The following CFAP77 variants were observed in gnomAD, a reference collection of about 807,000 sequenced individuals.
CFAP77 encodes cilia and flagella associated protein 77, also known as cilia- and flagella-associated protein 77.
CFAP77 carries 25 observed loss-of-function variants against 31.1 expected under a neutral mutation model. The ratio of observed to expected loss-of-function variants is 0.80; its 90% CI spans 0.59 to 1.12. CFAP77 has a LOEUF of 1.12. CFAP77 is among the 50% of genes most tolerant of loss of function. The pLI is 0.00. For synonymous variants in CFAP77, 151 were observed against 159.9 expected, an observed-to-expected ratio of 0.94 and a Z score of 0.42; for missense variants, 377 against 397.3, an observed-to-expected ratio of 0.95 and a Z score of 0.44.
At chr9:132,434,838 C>T (rs1187194578) in intron 1 of CFAP77, among the ~76,000 whole-genome samples, 2 of 152,194 alleles carry the variant, frequency 1.3e-5, no homozygotes, top group Non-Finnish European at 2.9e-5. Context: ...CACTTTGAAA[C>T]CGTGATCCCT....
At chr9:132,456,654 T>A (rs933260131) in intron 1 of CFAP77, among the ~76,000 whole-genome samples, 8 of 152,052 alleles carry the variant, frequency 5.3e-5, no homozygotes, top group Non-Finnish European at 1.2e-4. Flanking sequence ...CTTCCTCTGG[T>A]CTTCATGGAA....
intron 1 of CFAP77, among the ~76,000 whole-genome samples, chr9:132,496,409 G>A (rs1179493980): frequency 6.6e-6 from 1 of 152,176 alleles, no homozygotes; most frequent in African/African-American, 2.4e-5. Flanking sequence ...CTTATTCACA[G>A]ATTTGTGCAA....
At position 132,545,790 on chromosome 9, in the gene CFAP77, A is replaced by T. The variant is rs868431003; in HGVS notation, c.732+2743A>T. Among the ~76,000 whole-genome samples, 55 of 152,300 alleles carry T rather than the reference A, an allele frequency of 3.6e-4. No homozygotes were observed. The highest frequency in any genetic ancestry group is 1.2e-3 in the African/African-American group (50 of 41,554). On this transcript the variant is annotated intron_variant, in intron 5 of 5. Coordinates refer to ENST00000393216, the MANE Select transcript of CFAP77 (RefSeq NM_001282957.2). The surrounding 1 kb of genome is among the most constrained non-coding windows in gnomAD (Gnocchi z 4.6). The stretch of plus-strand genomic sequence containing the variant: ...GATATCATGCCCCCATTCTACTGAC[A>T]TGGAAACTGAGGCTTGGAGAGGTGA...
At chr9:132,569,679 G>A (rs1416562984) in intron 5 of CFAP77, among the ~76,000 whole-genome samples, 7 of 150,590 alleles carry the variant, frequency 4.6e-5, no homozygotes, top group Non-Finnish European at 8.9e-5. Flanking sequence ...GCATGCCCCC[G>A]AGACCCCAAG....
rs570833221 is a variant in CFAP77, at chr9:132,433,570, CAG to C, written c.195+23107_195+23108del. ...CATTCATTTTTTTTTTTTTTTGAGT[CAG>C]AGTCTCACTCTGTCACCCAGGCTGG... On this transcript the variant is annotated intron_variant, in intron 1 of 5. Transcript: ENST00000393216. Among the ~76,000 whole-genome samples the C allele has an allele frequency of 3.4e-5, 5 of 148,280 alleles. No individual in the cohort carries two copies. The South Asian group carries it at 1.1e-3, about 31-fold the overall frequency.
intron 1 of CFAP77, among the ~76,000 whole-genome samples, chr9:132,473,272 G>A (rs1455752498): frequency 6.6e-6 from 1 of 152,134 alleles, no homozygotes; most frequent in Non-Finnish European, 1.5e-5. Context: ...ACGAGGCTTG[G>A]GGGAGCAACC....
chr9:132,531,897 G>A (rs1287916405), intron 3 of CFAP77, among the ~76,000 whole-genome samples: 2 of 152,144 alleles, frequency 1.3e-5, no homozygotes, highest in Admixed American at 6.5e-5. Context: ...AGCCGAGCCC[G>A]CAGGAGGGCT....
At chr9:132,450,642 C>T (rs577620364) in intron 1 of CFAP77, among the ~76,000 whole-genome samples, 22 of 152,314 alleles carry the variant, frequency 1.4e-4, no homozygotes, top group Middle Eastern at 3.4e-3. Flanking sequence ...TCTGCCTAGA[C>T]AGGCCATGAG....
intron 3 of CFAP77, among the ~76,000 whole-genome samples, chr9:132,520,003 T>C (rs760429305): frequency 6.6e-5 from 10 of 151,986 alleles, no homozygotes; most frequent in Non-Finnish European, 1.0e-4. Flanking sequence ...ATCTCATTCA[T>C]GAGGTGCACT....
At chr9:132,463,178 C>T (rs1283664234) in intron 1 of CFAP77, among the ~76,000 whole-genome samples, 2 of 152,178 alleles carry the variant, frequency 1.3e-5, no homozygotes, top group Admixed American at 1.3e-4. Flanking sequence ...CGTCGCAAGT[C>T]AGCCAATCTT....
chr9:132,429,649 C>G (rs1314512299), intron 1 of CFAP77, among the ~76,000 whole-genome samples: 1 of 150,318 alleles, frequency 6.7e-6, no homozygotes, highest in East Asian at 1.9e-4. Flanking sequence ...TCAAGACCAT[C>G]CTGGCTAACA....
chr9:132,446,655 A>G (rs1003059367), intron 1 of CFAP77, among the ~76,000 whole-genome samples: 4 of 148,326 alleles, frequency 2.7e-5, no homozygotes, highest in Admixed American at 1.4e-4. Flanking sequence ...GCAGGAGAAT[A>G]GTGTGAACCC....
At chr9:132,550,238 C>T (rs1852802663) in intron 5 of CFAP77, among the ~76,000 whole-genome samples, 1 of 152,214 alleles carries the variant, frequency 6.6e-6, no homozygotes, top group South Asian at 2.1e-4. Flanking sequence ...AGGTTCTTCT[C>T]CCTGATTATA....
chr9:132,512,629 A>G (rs1162655461), intron 3 of CFAP77, among the ~76,000 whole-genome samples: 2 of 152,170 alleles, frequency 1.3e-5, no homozygotes, highest in East Asian at 3.8e-4. Flanking sequence ...AAAAATGCAG[A>G]AGGGGTTTGT....
At position 132,545,205 on chromosome 9, in the gene CFAP77, T is replaced by G. The variant is rs1343080626; in HGVS notation, c.732+2158T>G. ...AGACCGTTGTTCTGAAATATGATTA[T>G]GAACAATAGCAAACCAGGAATGATG... On this transcript the variant is annotated intron_variant, in intron 5 of 5. Transcript: ENST00000393216. The surrounding 1 kb of genome is among the most constrained non-coding windows in gnomAD (Gnocchi z 4.6). Among the ~76,000 whole-genome samples, 2 of 152,266 alleles carry G rather than the reference T, an allele frequency of 1.3e-5. No individual in the cohort carries two copies. The highest frequency in any genetic ancestry group is 4.8e-5 in the African/African-American group (2 of 41,480).
rs916604007 is a variant in CFAP77 at position 132,517,174 on chromosome 9, T to A, written c.524+17574T>A. On this transcript the variant is annotated intron_variant, in intron 3 of 5. Coordinates refer to ENST00000393216, the MANE Select transcript of CFAP77 (RefSeq NM_001282957.2). The surrounding 1 kb of genome is among the most constrained non-coding windows in gnomAD (Gnocchi z 4.7). ...AAGCCCAGCCCTCCAGCCTTCTCCCTCCTCCCAAACCAGCCATCTACGGTC... is the reference window on the plus strand; with the variant it reads ...AAGCCCAGCCCTCCAGCCTTCTCCCACCTCCCAAACCAGCCATCTACGGTC... Among the ~76,000 whole-genome samples the A allele has an allele frequency of 6.6e-6, 1 of 152,062 alleles. No individual in the cohort carries two copies. Among genetic ancestry groups the A allele is most frequent in the African/African-American group, 2.4e-5 (1 of 41,400 alleles).
At chr9:132,541,956 CAT>C (rs1852651443) in intron 4 of CFAP77, among the ~76,000 whole-genome samples, 1 of 152,158 alleles carries the variant, frequency 6.6e-6, no homozygotes, top group Non-Finnish European at 1.5e-5. Flanking sequence ...AAAGAGGAAA[CAT>C]AAGCCTGGTG....
intron 5 of CFAP77, among the ~76,000 whole-genome samples, chr9:132,548,027 C>T (rs917481396): frequency 3.6e-4 from 54 of 152,096 alleles, no homozygotes; most frequent in Admixed American, 3.3e-3. Context: ...AGCTTATGGC[C>T]GATGACAATG....
intron 3 of CFAP77, among the ~76,000 whole-genome samples, chr9:132,506,657 A>T (rs1242396540): frequency 6.6e-6 from 1 of 152,036 alleles, no homozygotes; most frequent in Non-Finnish European, 1.5e-5. Flanking sequence ...GGAAGACCCT[A>T]CTTTGCACTA....
Sources: allele counts gnomAD v4.1 joint callset (sites outside exome capture counted in the v4.1 genomes callset), GRCh38; gene constraint gnomAD v4.1.1; non-coding constraint Gnocchi (gnomAD v3.1); transcripts MANE v1.5; gene names NCBI Gene and HGNC (gene_info 2026-07-23, HGNC 2026-07-21).